Variants in NRXN1 observed in about 807,000 individuals in gnomAD.
NRXN1 encodes the protein neurexin 1.
In NRXN1, 39 loss-of-function variants were observed where a neutral mutation model predicts 150.9. The observed-to-expected ratio is 0.26, with a 90% CI of 0.20 to 0.34. NRXN1 has a LOEUF of 0.34. Ranked by LOEUF, NRXN1 falls within the 10% of genes least tolerant of loss-of-function variation. The pLI is 1.00. For synonymous variants in NRXN1, 924 were observed against 757.0 expected, an observed-to-expected ratio of 1.22 and a Z score of -3.62; for missense variants, 1,815 against 1,949.9, an observed-to-expected ratio of 0.93 and a Z score of 1.30.
At chr2:50,395,378 T>C (rs1327901538) in intron 17 of NRXN1, among the ~76,000 whole-genome samples, 1 of 151,496 alleles carries the variant, frequency 6.6e-6, no homozygotes, top group Non-Finnish European at 1.5e-5. Context: ...AAATATTTTA[T>C]TAAACATACT....
intron 5 of NRXN1, among the ~76,000 whole-genome samples, chr2:50,878,695 A>G (rs1678974966): frequency 6.6e-6 from 1 of 151,940 alleles, no homozygotes; most frequent in African/African-American, 2.4e-5. Flanking sequence ...CACAGAATAC[A>G]ATAAATAGCA....
intron 21 of NRXN1, among the ~76,000 whole-genome samples, chr2:49,976,082 G>C (rs1678924252): frequency 6.7e-6 from 1 of 149,530 alleles, no homozygotes; most frequent in Non-Finnish European, 1.5e-5. Context: ...GAGTGCAGTG[G>C]TGGGATCTAG....
intron 2 of NRXN1, chr2:51,026,374 C>G (rs1258713667): frequency 1.3e-6 from 2 of 1,581,738 alleles, no homozygotes; most frequent in East Asian, 2.3e-5. Context: ...CACTCACTTT[C>G]TGTTAGAGGC....
rs938226345 is a variant in NRXN1, at chr2:50,987,621, C to A, written c.772+39881G>T. On this transcript the variant is annotated intron_variant, in intron 2 of 22. Transcript: ENST00000401669. ...GCGCTTCATGACCACTAAAGTATAA[C>A]AACCTCCCACTCTACATTCACTTTG... Among the ~76,000 whole-genome samples, 3 of 151,962 alleles carry A rather than the reference C, an allele frequency of 2.0e-5. No homozygotes were observed. In the South Asian group the frequency reaches 6.2e-4, roughly 31 times the overall value.
At chr2:50,696,222 A>T (rs1162649534) in intron 5 of NRXN1, 8 of 151,966 alleles carry the variant, frequency 5.3e-5, no homozygotes, top group Non-Finnish European at 1.2e-4. Context: ...GTATGTATAC[A>T]CATATGCTAT....
intron 18 of NRXN1, among the ~76,000 whole-genome samples, chr2:50,125,964 A>G (rs1401860116): frequency 1.3e-5 from 2 of 152,108 alleles, no homozygotes; most frequent in East Asian, 1.9e-4. Context: ...TGAGTAACTT[A>G]TACGTGACCT....
intron 5 of NRXN1, among the ~76,000 whole-genome samples, chr2:50,864,039 GT>G (rs1230587730): frequency 6.6e-6 from 1 of 151,974 alleles, no homozygotes; most frequent in Non-Finnish European, 1.5e-5. Context: ...CAGGATTAGT[GT>G]TTCTGAGTCT....
intron 5 of NRXN1, among the ~76,000 whole-genome samples, chr2:50,752,986 T>A (rs1700774349): frequency 6.6e-6 from 1 of 151,934 alleles, no homozygotes; most frequent in Non-Finnish European, 1.5e-5. Flanking sequence ...TTTGGCATGC[T>A]CTTTATATAA....
chr2:50,850,251 G>A (rs998343163), intron 5 of NRXN1, among the ~76,000 whole-genome samples: 1 of 149,890 alleles, frequency 6.7e-6, no homozygotes, highest in Non-Finnish European at 1.5e-5. Context: ...AAAAAAAAAG[G>A]TGTTTTGTTG....
intron 18 of NRXN1, among the ~76,000 whole-genome samples, chr2:50,162,336 T>A (rs56129869): frequency 6.6e-5 from 10 of 152,160 alleles, no homozygotes; most frequent in African/African-American, 2.4e-4. Flanking sequence ...AAACTCTTCA[T>A]GGACCTTATA....
intron 18 of NRXN1, among the ~76,000 whole-genome samples, chr2:50,228,218 G>A (rs2064591348): frequency 6.6e-6 from 1 of 151,932 alleles, no homozygotes; most frequent in African/African-American, 2.4e-5. Flanking sequence ...TGGGCATATT[G>A]AGTTAAAATA....
At chr2:50,019,825 A>G (rs1193400987) in intron 21 of NRXN1, among the ~76,000 whole-genome samples, 6 of 148,158 alleles carry the variant, frequency 4.0e-5, no homozygotes, top group Admixed American at 2.7e-4. Context: ...GCGGGCGCCT[A>G]TAGTCCCAGC....
At chr2:50,150,850 G>T (rs2058655553) in intron 18 of NRXN1, among the ~76,000 whole-genome samples, 1 of 151,550 alleles carries the variant, frequency 6.6e-6, no homozygotes, top group Admixed American at 6.6e-5. Flanking sequence ...GGCTCAAACT[G>T]GGCCAAACAC....
At chr2:50,297,342 C>G (rs1487899267) in intron 17 of NRXN1, among the ~76,000 whole-genome samples, 1 of 152,148 alleles carries the variant, frequency 6.6e-6, no homozygotes. Flanking sequence ...GCTATGAATA[C>G]AAATAAGAAG....
intron 5 of NRXN1, among the ~76,000 whole-genome samples, chr2:50,699,830 C>T (rs1037301768): frequency 2.0e-5 from 3 of 152,000 alleles, no homozygotes; most frequent in Non-Finnish European, 4.4e-5. Flanking sequence ...CTGTTATAAG[C>T]CATTGTTGGC....
intron 18 of NRXN1, among the ~76,000 whole-genome samples, chr2:50,216,528 A>G (rs777004289): frequency 2.8e-4 from 42 of 152,088 alleles, no homozygotes; most frequent in Non-Finnish European, 4.9e-4. Flanking sequence ...ATTACACCAA[A>G]TGAAGAGATT....
chr2:50,565,247 T>C (rs1450044166), intron 8 of NRXN1, among the ~76,000 whole-genome samples: 1 of 152,030 alleles, frequency 6.6e-6, no homozygotes, highest in Non-Finnish European at 1.5e-5. Context: ...CATACATTTT[T>C]GGATTGCTGA....
chr2:50,169,689 G>T (rs1449326447), intron 18 of NRXN1, among the ~76,000 whole-genome samples: 1 of 144,614 alleles, frequency 6.9e-6, no homozygotes, highest in African/African-American at 2.7e-5. Context: ...TCCAGGCTGG[G>T]CAACAGAGCA....
chr2:50,940,943 G>A (rs60541590), intron 2 of NRXN1, among the ~76,000 whole-genome samples: 4,177 of 152,212 alleles, frequency 0.027, 229 homozygotes, highest in African/African-American at 0.095. Flanking sequence ...GTTTGGCTCT[G>A]TTTCTCCACC....
Sources: allele counts gnomAD v4.1 joint callset (sites outside exome capture counted in the v4.1 genomes callset), GRCh38; gene constraint gnomAD v4.1.1; transcripts MANE v1.5; gene names NCBI Gene and HGNC (gene_info 2026-07-23, HGNC 2026-07-21).